Variants in KCNAB1 observed in about 807,000 individuals in gnomAD.
The protein encoded by KCNAB1 is potassium voltage-gated channel subfamily A regulatory beta subunit 1.
Under a neutral mutation model 64.6 loss-of-function variants are expected in KCNAB1, and 35 were observed. That is an observed-to-expected ratio of 0.54 (90% CI 0.41 to 0.72). KCNAB1 has a LOEUF of 0.72. Ranked by LOEUF, KCNAB1 falls within the 30% of genes least tolerant of loss-of-function variation. The pLI is 0.00. For synonymous variants in KCNAB1, 177 were observed against 183.8 expected (o/e 0.96, Z 0.30); for missense variants, 401 against 512.9 (o/e 0.78, Z 2.11).
intron 1 of KCNAB1, among the ~76,000 whole-genome samples, chr3:156,417,148 T>A (rs1004262337): frequency 2.0e-5 from 3 of 152,218 alleles, no homozygotes; most frequent in Non-Finnish European, 2.9e-5. Flanking sequence ...CTTGTAACTA[T>A]CAAAACCAGC....
chr3:156,269,243 T>A (rs74325946), intron 1 of KCNAB1, among the ~76,000 whole-genome samples: 6,713 of 152,296 alleles, frequency 0.044, 199 homozygotes, highest in Middle Eastern at 0.099. Context: ...GCCAGTACAA[T>A]ACTGTTTTTG....
intron 1 of KCNAB1, among the ~76,000 whole-genome samples, chr3:156,179,409 G>A (rs1275027374): frequency 4.8e-5 from 7 of 147,114 alleles, no homozygotes; most frequent in Admixed American, 4.7e-4. Context: ...TTATTCCCTG[G>A]TTTGGAACCC....
chr3:156,142,985 C>A, intron 1 of KCNAB1: 1 of 1,273,764 alleles, frequency 7.9e-7, no homozygotes. Context: ...GGCAGGGACA[C>A]ACAACCAACA....
chr3:156,512,600 C>G (rs1360546778), intron 8 of KCNAB1, among the ~76,000 whole-genome samples: 1 of 152,206 alleles, frequency 6.6e-6, no homozygotes, highest in Non-Finnish European at 1.5e-5. Flanking sequence ...ATGGAGACAT[C>G]TAAAGACAGA....
chr3:156,237,502 G>A (rs1716916156), intron 1 of KCNAB1, among the ~76,000 whole-genome samples: 1 of 151,856 alleles, frequency 6.6e-6, no homozygotes, highest in Admixed American at 6.6e-5. Flanking sequence ...TAGCCCTCTT[G>A]CTTTTGAATT....
intron 1 of KCNAB1, among the ~76,000 whole-genome samples, chr3:156,305,879 G>A (rs1245694254): frequency 6.6e-6 from 1 of 152,142 alleles, no homozygotes; most frequent in Non-Finnish European, 1.5e-5. Flanking sequence ...GCTGTGTGTG[G>A]GGTCCTTGGG....
At chr3:156,164,416 C>T (rs994273436) in intron 1 of KCNAB1, among the ~76,000 whole-genome samples, 7 of 152,206 alleles carry the variant, frequency 4.6e-5, no homozygotes, top group African/African-American at 1.7e-4. Flanking sequence ...CTTCATTCCT[C>T]CCTACATGCC....
intron 1 of KCNAB1, among the ~76,000 whole-genome samples, chr3:156,143,979 C>T (rs1379605074): frequency 6.6e-6 from 1 of 151,582 alleles, no homozygotes; most frequent in African/African-American, 2.4e-5. Context: ...ACTGGTTGTA[C>T]ACTAAACTTC....
intron 1 of KCNAB1, among the ~76,000 whole-genome samples, chr3:156,166,902 G>A (rs9869978): frequency 0.015 from 2,309 of 152,274 alleles, 67 homozygotes; most frequent in African/African-American, 0.053. Flanking sequence ...TGTAGGAACC[G>A]GTTGATGTTT....
At chr3:156,353,872 A>T (rs1725022178) in intron 1 of KCNAB1, among the ~76,000 whole-genome samples, 1 of 152,288 alleles carries the variant, frequency 6.6e-6, no homozygotes, top group East Asian at 1.9e-4. Flanking sequence ...GCTAGGAGTT[A>T]TTGGGTCCAG....
chr3:156,413,368 G>C (rs1714814928), intron 1 of KCNAB1, among the ~76,000 whole-genome samples: 1 of 152,196 alleles, frequency 6.6e-6, no homozygotes, highest in African/African-American at 2.4e-5. Context: ...GGTGAAATGA[G>C]TTGCCCCTAA....
chr3:156,219,288 A>G (rs190192642), intron 1 of KCNAB1, among the ~76,000 whole-genome samples: 143 of 152,220 alleles, frequency 9.4e-4, no homozygotes, highest in Non-Finnish European at 1.5e-3. Flanking sequence ...CTGGAAATCA[A>G]GGACACATTC....
At chr3:156,321,362 A>G (rs1359857820) in intron 1 of KCNAB1, among the ~76,000 whole-genome samples, 1 of 152,170 alleles carries the variant, frequency 6.6e-6, no homozygotes, top group Non-Finnish European at 1.5e-5. Context: ...TATGTGCAAG[A>G]TGGGTAATAT....
At chr3:156,143,580 T>TTTTTTTTTTTG in intron 1 of KCNAB1, among the ~76,000 whole-genome samples, 1 of 146,346 alleles carries the variant, frequency 6.8e-6, no homozygotes, top group Admixed American at 6.7e-5. Context: ...TTTTTTTTTT[T>TTTTTTTTTTTG]TTTTTTTTTT....
intron 1 of KCNAB1, among the ~76,000 whole-genome samples, chr3:156,332,809 C>T (rs1159339082): frequency 2.6e-5 from 4 of 152,134 alleles, no homozygotes; most frequent in African/African-American, 7.2e-5. Context: ...CCCTTAAGTA[C>T]TTAGTGCTAT....
chr3:156,125,100 T>C (rs1365513429), intron 1 of KCNAB1, among the ~76,000 whole-genome samples: 1 of 151,084 alleles, frequency 6.6e-6, no homozygotes, highest in African/African-American at 2.4e-5. Context: ...ATTACTCCAC[T>C]GCACTCCAGC....
chr3:156,160,019 A>G (rs879699741), intron 1 of KCNAB1, among the ~76,000 whole-genome samples: 21 of 152,372 alleles, frequency 1.4e-4, no homozygotes, highest in South Asian at 2.1e-4. Context: ...TTAAAAACAC[A>G]GTCATAACAT....
chr3:156,280,498 T>C, intron 1 of KCNAB1, among the ~76,000 whole-genome samples: 1 of 147,748 alleles, frequency 6.8e-6, no homozygotes. Flanking sequence ...TTTCCAATTC[T>C]GTGAAGAAAG....
chr3:156,467,542 A>G (rs1713508861), intron 7 of KCNAB1, among the ~76,000 whole-genome samples: 1 of 152,100 alleles, frequency 6.6e-6, no homozygotes, highest in Admixed American at 6.5e-5. Context: ...GAGTCTGACA[A>G]TCTGGTACAC....
Sources: gnomAD v4.1 joint callset for allele counts (sites outside exome capture counted in the v4.1 genomes callset) on GRCh38, gnomAD v4.1.1 for gene constraint, MANE v1.5 for transcripts, NCBI Gene and HGNC (gene_info 2026-07-23, HGNC 2026-07-21) for gene names.